ZSWIM8: variants seen among roughly 807,000 people sequenced by gnomAD.
ZSWIM8 encodes the protein zinc finger SWIM domain-containing protein 8.
A neutral mutation model predicts 173.7 loss-of-function variants in ZSWIM8; 27 were observed. That is an observed-to-expected ratio of 0.16 (90% CI 0.11 to 0.21). The LOEUF (loss-of-function observed/expected upper bound fraction) is 0.21, where lower values mean the gene tolerates loss of function less well. Ranked by LOEUF, ZSWIM8 falls within the 10% of genes least tolerant of loss-of-function variation. ZSWIM8 has a pLI of 1.00. For missense variants in ZSWIM8, 1,627 were observed against 2,428.8 expected (o/e 0.67, Z 6.94); for synonymous variants, 958 against 962.0 (o/e 1.00, Z 0.08).
chr10:73,792,987 T>C lies in ZSWIM8; in HGVS notation c.2313+135T>C. 2 of 1,083,664 alleles carry C rather than the reference T, an allele frequency of 1.8e-6. No homozygotes were observed. The highest frequency in any genetic ancestry group is 2.6e-6 in the Non-Finnish European group (2 of 771,506). 67.1% of individuals were successfully genotyped at this position (1,083,664 alleles called of 1,614,324 possible). On this transcript the variant is annotated intron_variant, in intron 10 of 25. Coordinates refer to ENST00000604729, the MANE Select transcript of ZSWIM8 (RefSeq NM_001367799.1). This position sits in a 1 kb window ranked among gnomAD's most constrained non-coding sequence, Gnocchi z 4.3. Reference sequence around the variant, plus strand: ...GTTGCAGGCGCCGAACTGGTCTCCCTGCTTTCAGTCTACTCACTTTTCTGC... The same window carrying C: ...GTTGCAGGCGCCGAACTGGTCTCCCCGCTTTCAGTCTACTCACTTTTCTGC...
chr10:73,795,751 A>G (rs914665565), intron 15 of ZSWIM8, 88 bp downstream of exon 15: 3 of 1,433,858 alleles, frequency 2.1e-6, no homozygotes, highest in Non-Finnish European at 2.8e-6. Context: ...TGAGCCCAGG[A>G]GTTTGAGACA....
At chr10:73,787,737 C>T (rs1036205460) in intron 1 of ZSWIM8, among the ~76,000 whole-genome samples, 4 of 152,106 alleles carry the variant, frequency 2.6e-5, no homozygotes, top group Non-Finnish European at 5.9e-5. Context: ...CTTGTAATCT[C>T]AGCTACTTGG....
chr10:73,789,685 G>A lies in ZSWIM8; in HGVS notation c.631-32G>A. On this transcript the variant is annotated intron_variant, in intron 4 of 25. Transcript: ENST00000604729. This position sits in a 1 kb window ranked among gnomAD's most constrained non-coding sequence, Gnocchi z 6.8. Reference sequence around the variant, plus strand: ...TCCAGCTCCAGCAAACCTGTTCTCAGATTGTTCCATTTTTCTCTGTGTCCC... The same window carrying A: ...TCCAGCTCCAGCAAACCTGTTCTCAAATTGTTCCATTTTTCTCTGTGTCCC... 6.4e-7 allele frequency: 1 copy of A among 1,570,664 alleles called. No homozygotes were observed. Among genetic ancestry groups the A allele is most frequent in the African/African-American group, 1.4e-5 (1 of 73,758 alleles).
At chr10:73,788,304 T>C (rs907257960) in intron 1 of ZSWIM8, among the ~76,000 whole-genome samples, 4 of 151,796 alleles carry the variant, frequency 2.6e-5, no homozygotes, top group African/African-American at 4.8e-5. Flanking sequence ...ACCATGTAAT[T>C]TGAATTTAAA....
intron 1 of ZSWIM8, among the ~76,000 whole-genome samples, chr10:73,787,997 G>A (rs944745600): frequency 1.3e-5 from 2 of 152,088 alleles, no homozygotes; most frequent in Non-Finnish European, 1.5e-5. Context: ...CTACTTTTTG[G>A]TTAAAACACT....
At chr10:73,796,430 C>A in intron 15 of ZSWIM8, 1 of 414,030 alleles carries the variant, frequency 2.4e-6, no homozygotes, top group South Asian at 2.1e-5. Flanking sequence ...GGGGACATCT[C>A]ATAAAGAATA....
At chr10:73,795,239 C>G (rs756468061) in intron 14 of ZSWIM8, among the ~76,000 whole-genome samples, 2 of 152,132 alleles carry the variant, frequency 1.3e-5, no homozygotes, top group Non-Finnish European at 2.9e-5. Context: ...CCTAAACCAG[C>G]GAACACCATG....
At position 73,798,933 on chromosome 10, in the gene ZSWIM8, A is replaced by C; in HGVS notation, c.4177-69A>C. ...GAGACAGCTCTGAGGGAGACATTGG[A>C]ATCTCATCTAACACCTTCCATGTGG... On this transcript the variant is annotated intron_variant, in intron 20 of 25. Coordinates refer to ENST00000604729, the MANE Select transcript of ZSWIM8 (RefSeq NM_001367799.1). 2.6e-6 allele frequency: 4 copies of C among 1,530,410 alleles called. No individual in the cohort carries two copies. In the South Asian group the frequency reaches 5.2e-5, roughly 20 times the overall value. The allele number at this position is 1,530,410 out of a possible 1,614,324, so 94.8% of individuals were successfully genotyped here. A position where few individuals can be genotyped will look rare whatever the true frequency, so the allele number is the denominator to read the frequency against.
Position 73,791,736 on chromosome 10 carries a change from G to C in ZSWIM8, c.1320-123G>C. 1 of 1,349,524 alleles carries C rather than the reference G, an allele frequency of 7.4e-7. No homozygotes were observed. 83.6% of individuals were successfully genotyped at this position (1,349,524 alleles called of 1,614,324 possible). ...CTCCAGTGTTTCAGTGATGCTTATG[G>C]GGCTGGGTCAAGAAGTACTTTCCTG... On this transcript the variant is annotated intron_variant, in intron 9 of 25. Coordinates refer to ENST00000604729, the MANE Select transcript of ZSWIM8 (RefSeq NM_001367799.1). The surrounding 1 kb of genome is among the most constrained non-coding windows in gnomAD (Gnocchi z 6.0).
chr10:73,796,370 G>GA, intron 15 of ZSWIM8: 1 of 425,580 alleles, frequency 2.3e-6, no homozygotes, highest in Non-Finnish European at 4.6e-6. Context: ...AGAAGAAGAA[G>GA]AAAAAAAGAA....
At position 73,792,055 on chromosome 10, in the gene ZSWIM8, C is replaced by T. The variant is rs1309037830; in HGVS notation, c.1516C>T (p.Leu506=). Residue 506 remains leucine, a synonymous_variant, in exon 10 of 26, where the codon CTG becomes TTG. Coordinates refer to ENST00000604729, the MANE Select transcript of ZSWIM8 (RefSeq NM_001367799.1). The surrounding 1 kb of genome is among the most constrained non-coding windows in gnomAD (Gnocchi z 4.3). The stretch of plus-strand genomic sequence containing the variant: ...CAGCGGCACTGACAGGAAGCTGGCA[C>T]TGTGCTGGGCCCGGGCCCTGCCCTC... The part of the protein sequence containing the change: ...TYSGTDRKLA[L]CWARALPSRP... The T allele has an allele frequency of 1.3e-6, 2 of 1,545,116 alleles. No individual in the cohort carries two copies. Among genetic ancestry groups the T allele is most frequent in the Non-Finnish European group, 1.8e-6 (2 of 1,142,486 alleles).
In ZSWIM8 at chr10:73,785,836, C is replaced by T. The variant is rs1447389230; in HGVS notation, c.-43C>T. The T allele has an allele frequency of 4.1e-6, 6 of 1,466,368 alleles. No individual in the cohort carries two copies. The highest frequency in any genetic ancestry group is 3.0e-5 in the African/African-American group (2 of 67,750). The allele number at this position is 1,466,368 out of a possible 1,614,324, so 90.8% of individuals were successfully genotyped here. On this transcript the variant is annotated 5_prime_UTR_variant, in exon 1 of 26. Transcript: ENST00000604729. ...AACCCCCGGCCGGCGGCCCAGGCCC[C>T]GGATCCGCGGGGGGGGACCCGGCCC...
chr10:73,796,406 A>G (rs947392611), intron 15 of ZSWIM8: 2 of 409,974 alleles, frequency 4.9e-6, no homozygotes, highest in Non-Finnish European at 9.3e-6. Context: ...CATAGGAGGT[A>G]AGTAGGGAAT....
In ZSWIM8 at chr10:73,792,069, G is replaced by A; in HGVS notation, c.1530G>A (p.Arg510=). The change falls in exon 10 of 26, where the codon CGG becomes CGA. Residue 510 remains arginine, a synonymous_variant. Coordinates refer to ENST00000604729, the MANE Select transcript of ZSWIM8 (RefSeq NM_001367799.1). This position sits in a 1 kb window ranked among gnomAD's most constrained non-coding sequence, Gnocchi z 4.3. ...TDRKLALCWA[R]ALPSRPGASR... ...GGAAGCTGGCACTGTGCTGGGCCCG[G>A]GCCCTGCCCTCTCGGCCAGGTGCCT... 4 of 1,536,052 alleles carry A rather than the reference G, an allele frequency of 2.6e-6. No homozygotes were observed. The highest frequency in any genetic ancestry group is 3.5e-6 in the Non-Finnish European group (4 of 1,135,826).
At position 73,792,612 on chromosome 10, in the gene ZSWIM8, A is replaced by G. The variant is rs778053555; in HGVS notation, c.2073A>G (p.Leu691=). The G allele has an allele frequency of 1.9e-6, 3 of 1,613,972 alleles. No individual in the cohort carries two copies. The highest frequency in any genetic ancestry group is 2.5e-6 in the Non-Finnish European group (3 of 1,179,852). ...PPTASVGPPG[L]LPGDVCTQDD... ...CAGCCTCTGTTGGCCCCCCTGGCCTACTGCCTGGGGATGTCTGTACCCAGG... is the reference window on the plus strand; with the variant it reads ...CAGCCTCTGTTGGCCCCCCTGGCCTGCTGCCTGGGGATGTCTGTACCCAGG... The change falls in exon 10 of 26, where the codon CTA becomes CTG. Residue 691 remains leucine (L), a synonymous_variant. Transcript: ENST00000604729. This position sits in a 1 kb window ranked among gnomAD's most constrained non-coding sequence, Gnocchi z 4.3.
At position 73,789,635 on chromosome 10, in the gene ZSWIM8, C is replaced by T; in HGVS notation, c.631-82C>T. On this transcript the variant is annotated intron_variant, in intron 4 of 25. Coordinates refer to ENST00000604729, the MANE Select transcript of ZSWIM8 (RefSeq NM_001367799.1). The surrounding 1 kb of genome is among the most constrained non-coding windows in gnomAD (Gnocchi z 6.8). ...TACAATGTGAGCCCCCTCGCCTCGC[C>T]TACTCTGCCTCTCTGTCCCCCAGCT... The T allele has an allele frequency of 1.3e-6, 2 of 1,548,748 alleles. No homozygotes were observed. The highest frequency in any genetic ancestry group is 1.8e-6 in the Non-Finnish European group (2 of 1,141,568).
Position 73,800,809 on chromosome 10 carries a change from C to G in ZSWIM8, c.5122+50C>G. On this transcript the variant is annotated intron_variant, in intron 24 of 25. Coordinates refer to ENST00000604729, the MANE Select transcript of ZSWIM8 (RefSeq NM_001367799.1). This position sits in a 1 kb window ranked among gnomAD's most constrained non-coding sequence, Gnocchi z 4.1. ...ATTGCCCCCCCCCCACCTGCTCTCC[C>G]CACCTTCCTTATCCCAGACCTCCTT... The G allele has an allele frequency of 7.1e-7, 1 of 1,400,052 alleles. No homozygotes were observed. The highest frequency in any genetic ancestry group is 9.8e-7 in the Non-Finnish European group (1 of 1,016,682). 86.7% of individuals were successfully genotyped at this position (1,400,052 alleles called of 1,614,324 possible). A position where few individuals can be genotyped will look rare whatever the true frequency, so the allele number is the denominator to read the frequency against.
Position 73,797,559 on chromosome 10 carries a change from G to A in ZSWIM8, c.3616G>A (p.Ala1206Thr), listed in dbSNP as rs1344367889. 2.5e-6 allele frequency: 4 copies of A among 1,613,850 alleles called. No individual in the cohort carries two copies. In the African/African-American group the frequency reaches 5.3e-5, roughly 22 times the overall value. Reference protein sequence around the residue: ...GSSSSSGSRRASASGGARAKT... With the variant: ...GSSSSSGSRRTSASGGARAKT... The stretch of plus-strand genomic sequence containing the variant: ...CTCATCCTCCAGTGGAAGTCGCCGG[G>A]CCAGTGCCAGTGGAGGAGCCCGGGC... The change falls in exon 18 of 26, where the codon GCC (alanine) becomes ACC (threonine). Residue 1206 changes from alanine (A) to threonine (T), a missense_variant. By Grantham distance (58) the Ala-to-Thr change is moderately conservative. Coordinates refer to ENST00000604729, the MANE Select transcript of ZSWIM8 (RefSeq NM_001367799.1). The surrounding 1 kb of genome is among the most constrained non-coding windows in gnomAD (Gnocchi z 5.6).
chr10:73,790,159 C>A lies in ZSWIM8; in HGVS notation c.821-13C>A, dbSNP rs766085259. ...CCCCTATCTCTAGATGACTGACTGC[C>A]TGTCATCCTCAGACCCCACAGCAGG... is the stretch of plus-strand genomic sequence containing the variant. On this transcript the variant is annotated splice_polypyrimidine_tract_variant and intron_variant, in intron 6 of 25. Coordinates refer to ENST00000604729, the MANE Select transcript of ZSWIM8 (RefSeq NM_001367799.1). The A allele has an allele frequency of 1.8e-5, 29 of 1,610,736 alleles. No homozygotes were observed. Among genetic ancestry groups the A allele is most frequent in the Non-Finnish European group, 2.4e-5 (28 of 1,178,126 alleles).
Sources: allele counts gnomAD v4.1 joint callset (sites outside exome capture counted in the v4.1 genomes callset), GRCh38; gene constraint gnomAD v4.1.1; non-coding constraint Gnocchi (gnomAD v3.1); transcripts MANE v1.5; gene names NCBI Gene and HGNC (gene_info 2026-07-23, HGNC 2026-07-21).